The following CDH12 variants were observed in gnomAD, a reference collection of about 807,000 sequenced individuals.
The protein encoded by CDH12 is cadherin 12.
CDH12 carries 41 observed loss-of-function variants against 74.1 expected under a neutral mutation model. The ratio of observed to expected loss-of-function variants is 0.55; its 90% CI spans 0.43 to 0.72. CDH12 has a LOEUF of 0.72. Among genes scored for constraint, CDH12 ranks in the 30% least tolerant of loss-of-function variants. The probability of loss-of-function intolerance (pLI) is 0.00; values close to 1 mark genes in which losing one functional copy is unlikely to be tolerated. For missense variants in CDH12, 945 were observed against 977.2 expected (o/e 0.97, Z 0.44); for synonymous variants, 399 against 355.0 (o/e 1.12, Z -1.39).
chr5:22,024,088 G>A (rs1458757964), intron 5 of CDH12, among the ~76,000 whole-genome samples: 2 of 152,092 alleles, frequency 1.3e-5, no homozygotes, highest in African/African-American at 4.8e-5. Flanking sequence ...TTGAGGTGAG[G>A]AAAATGTATT....
At chr5:22,560,531 G>C (rs1016337272) in intron 1 of CDH12, among the ~76,000 whole-genome samples, 4 of 151,684 alleles carry the variant, frequency 2.6e-5, no homozygotes, top group Non-Finnish European at 5.9e-5. Flanking sequence ...AATGTTGAAA[G>C]CAAAAATATT....
chr5:22,317,301 G>A (rs1738674441), intron 3 of CDH12, among the ~76,000 whole-genome samples: 1 of 151,880 alleles, frequency 6.6e-6, no homozygotes, highest in South Asian at 2.1e-4. Flanking sequence ...CTAGGCTACA[G>A]AGTGAGTCTC....
intron 1 of CDH12, among the ~76,000 whole-genome samples, chr5:22,611,736 A>G (rs1418604773): frequency 5.9e-5 from 9 of 152,100 alleles, no homozygotes; most frequent in African/African-American, 2.2e-4. Flanking sequence ...TCCTGCTCCT[A>G]TGTCCTGTTG....
At chr5:22,329,033 A>ACAC (rs1739241051) in intron 3 of CDH12, among the ~76,000 whole-genome samples, 1 of 152,206 alleles carries the variant, frequency 6.6e-6, no homozygotes, top group African/African-American at 2.4e-5. Context: ...AAGAGAAGAG[A>ACAC]GAATTTAAAG....
At chr5:22,195,877 T>TCTC (rs1305036660) in intron 4 of CDH12, among the ~76,000 whole-genome samples, 1 of 152,158 alleles carries the variant, frequency 6.6e-6, no homozygotes, top group Non-Finnish European at 1.5e-5. Flanking sequence ...AGGTGGCATC[T>TCTC]CTCCTCCCTC....
intron 10 of CDH12, among the ~76,000 whole-genome samples, chr5:21,796,576 G>A (rs1166843950): frequency 6.6e-6 from 1 of 151,898 alleles, no homozygotes. Flanking sequence ...ACATAAAATA[G>A]ATTTTCTTTA....
At chr5:22,024,398 CACTG>C (rs1415340438) in intron 5 of CDH12, among the ~76,000 whole-genome samples, 4 of 152,144 alleles carry the variant, frequency 2.6e-5, no homozygotes, top group African/African-American at 4.8e-5. Flanking sequence ...CTTAAAAGAC[CACTG>C]ACTATTTCTA....
intron 6 of CDH12, among the ~76,000 whole-genome samples, chr5:21,863,933 T>C (rs888733145): frequency 4.6e-5 from 7 of 152,222 alleles, no homozygotes; most frequent in Non-Finnish European, 2.9e-5. Flanking sequence ...CATTGCATTA[T>C]GATCTAGAGA....
chr5:21,898,905 T>G (rs1374177856), intron 6 of CDH12, among the ~76,000 whole-genome samples: 1 of 151,954 alleles, frequency 6.6e-6, no homozygotes, highest in Non-Finnish European at 1.5e-5. Context: ...TGAGTTGATC[T>G]AAGAGAAGGA....
At chr5:22,718,049 T>G (rs531495393) in intron 1 of CDH12, among the ~76,000 whole-genome samples, 31 of 152,306 alleles carry the variant, frequency 2.0e-4, no homozygotes, top group African/African-American at 7.2e-4. Flanking sequence ...GCCTCATGCA[T>G]TTTAAGAATG....
chr5:21,944,770 T>A (rs1260109503), intron 6 of CDH12, among the ~76,000 whole-genome samples: 1 of 152,106 alleles, frequency 6.6e-6, no homozygotes, highest in Admixed American at 6.6e-5. Flanking sequence ...GTGAGGTTAT[T>A]TTTTCACTTG....
chr5:21,873,874 G>GTATTTGGTTTTCTGCTCCTGC (rs1751782605), intron 6 of CDH12, among the ~76,000 whole-genome samples: 1 of 151,624 alleles, frequency 6.6e-6, no homozygotes, highest in Non-Finnish European at 1.5e-5. Context: ...GAGAACATGC[G>GTATTTGGTTTTCTGCTCCTGC]GTTACTTTTC....
At chr5:22,332,360 T>A (rs1739385918) in intron 3 of CDH12, among the ~76,000 whole-genome samples, 1 of 152,142 alleles carries the variant, frequency 6.6e-6, no homozygotes, top group African/African-American at 2.4e-5. Flanking sequence ...CATGACATAT[T>A]TAAAGTGCAG....
At chr5:22,703,665 C>T (rs1199768719) in intron 1 of CDH12, among the ~76,000 whole-genome samples, 5 of 152,038 alleles carry the variant, frequency 3.3e-5, no homozygotes, top group Non-Finnish European at 7.4e-5. Context: ...CCCTATCTTC[C>T]CTTTTTATTT....
intron 1 of CDH12, among the ~76,000 whole-genome samples, chr5:22,794,809 A>G (rs1050381632): frequency 6.6e-6 from 1 of 152,136 alleles, no homozygotes; most frequent in Non-Finnish European, 1.5e-5. Flanking sequence ...CAGTGGAGAG[A>G]TCACCCTGGA....
chr5:22,074,401 G>T (rs1401227521), intron 5 of CDH12, among the ~76,000 whole-genome samples: 1 of 152,076 alleles, frequency 6.6e-6, no homozygotes. Context: ...ACATAGGCAT[G>T]GGCAAGGACT....
intron 6 of CDH12, among the ~76,000 whole-genome samples, chr5:21,861,436 T>G (rs1722320647): frequency 1.3e-5 from 2 of 152,084 alleles, no homozygotes. Flanking sequence ...TGAGTGAGAA[T>G]GTAACAAAGT....
chr5:22,365,154 G>A (rs1740975383), intron 3 of CDH12, among the ~76,000 whole-genome samples: 2 of 152,048 alleles, frequency 1.3e-5, no homozygotes, highest in African/African-American at 4.8e-5. Context: ...AATAGACATG[G>A]GCAGTGACTA....
chr5:21,944,310 T>G (rs1286995695), intron 6 of CDH12, among the ~76,000 whole-genome samples: 1 of 152,172 alleles, frequency 6.6e-6, no homozygotes, highest in African/African-American at 2.4e-5. Context: ...TCAATTAAAC[T>G]TTGATTAAAC....
Sources: gnomAD v4.1 joint callset for allele counts (sites outside exome capture counted in the v4.1 genomes callset) on GRCh38, gnomAD v4.1.1 for gene constraint, MANE v1.5 for transcripts, NCBI Gene and HGNC (gene_info 2026-07-23, HGNC 2026-07-21) for gene names.